Variants in FHIT observed in about 807,000 individuals in gnomAD.
FHIT encodes the protein fragile histidine triad diadenosine triphosphatase, also known as bis(5'-adenosyl)-triphosphatase.
FHIT carries 19 observed loss-of-function variants against 17.9 expected under a neutral mutation model. The observed-to-expected ratio is 1.06, with a 90% CI of 0.74 to 1.56. The LOEUF (loss-of-function observed/expected upper bound fraction) is 1.56. Ranked by LOEUF, FHIT falls within the 40% of genes most tolerant of loss-of-function variation. The pLI is 0.00. For missense variants in FHIT, 248 were observed against 189.2 expected, an observed-to-expected ratio of 1.31 and a Z score of -1.82; for synonymous variants, 81 against 69.7, an observed-to-expected ratio of 1.16 and a Z score of -0.81.
intron 5 of FHIT, among the ~76,000 whole-genome samples, chr3:60,263,666 G>T (rs908697420): frequency 7.9e-5 from 12 of 151,950 alleles, no homozygotes; most frequent in Non-Finnish European, 1.8e-4. Flanking sequence ...GAGGCCAGGG[G>T]TGGTAGAGAG....
intron 1 of FHIT, among the ~76,000 whole-genome samples, chr3:61,248,955 TG>T (rs1179822412): frequency 6.6e-6 from 1 of 152,256 alleles, no homozygotes; most frequent in Non-Finnish European, 1.5e-5. Flanking sequence ...CCTTCCAGTC[TG>T]AATGCATTAA....
At chr3:60,503,597 CTAAA>C (rs1289597022) in intron 5 of FHIT, among the ~76,000 whole-genome samples, 4 of 151,972 alleles carry the variant, frequency 2.6e-5, no homozygotes, top group East Asian at 1.9e-4. Flanking sequence ...ATGAAACAAA[CTAAA>C]TATTCAAAAC....
intron 3 of FHIT, among the ~76,000 whole-genome samples, chr3:60,938,670 C>T (rs1708290577): frequency 6.6e-6 from 1 of 152,136 alleles, no homozygotes; most frequent in Admixed American, 6.5e-5. Context: ...GATGGAGTCA[C>T]CAATGGGAAA....
intron 7 of FHIT, among the ~76,000 whole-genome samples, chr3:60,005,617 G>A (rs1366830218): frequency 6.6e-6 from 1 of 152,158 alleles, no homozygotes; most frequent in Non-Finnish European, 1.5e-5. Context: ...GATTCATTCT[G>A]AGGGCAGAGA....
At chr3:60,569,937 A>G (rs2107660436) in intron 4 of FHIT, among the ~76,000 whole-genome samples, 1 of 151,720 alleles carries the variant, frequency 6.6e-6, no homozygotes, top group African/African-American at 2.4e-5. Context: ...AATTCACCCA[A>G]ATGATACAAT....
At chr3:60,844,192 T>C (rs553394032) in intron 3 of FHIT, among the ~76,000 whole-genome samples, 1 of 152,268 alleles carries the variant, frequency 6.6e-6, no homozygotes, top group East Asian at 1.9e-4. Flanking sequence ...TTTGGACAAA[T>C]GTTAAATGAG....
At chr3:60,815,438 T>A (rs1553737353) in intron 4 of FHIT, among the ~76,000 whole-genome samples, 2 of 152,184 alleles carry the variant, frequency 1.3e-5, no homozygotes, top group African/African-American at 2.4e-5. Context: ...GGGGTCCAGT[T>A]TCATTCTTCT....
At chr3:60,949,468 A>G (rs1310926748) in intron 3 of FHIT, among the ~76,000 whole-genome samples, 3 of 152,204 alleles carry the variant, frequency 2.0e-5, no homozygotes. Flanking sequence ...GGGATTCTGA[A>G]AATGAACATA....
chr3:59,962,061 C>T (rs368334163), intron 7 of FHIT, among the ~76,000 whole-genome samples: 10 of 152,220 alleles, frequency 6.6e-5, no homozygotes, highest in South Asian at 2.1e-4. Context: ...CAATTCATTT[C>T]GATTAAAGAA....
At chr3:61,127,606 T>A (rs1279686021) in intron 2 of FHIT, among the ~76,000 whole-genome samples, 3 of 152,204 alleles carry the variant, frequency 2.0e-5, no homozygotes, top group African/African-American at 7.2e-5. Context: ...GGCTCACACC[T>A]GTAATCCCAG....
chr3:60,897,357 G>C (rs1325006806), intron 3 of FHIT, among the ~76,000 whole-genome samples: 1 of 152,090 alleles, frequency 6.6e-6, no homozygotes, highest in Non-Finnish European at 1.5e-5. Context: ...TCAACGTGTA[G>C]TAACTTTCTA....
rs962034636 is a variant in FHIT at position 60,097,707 on chromosome 3, T to C, written c.104-83555A>G. Among the ~76,000 whole-genome samples, 39 of 148,516 alleles carry C rather than the reference T, an allele frequency of 2.6e-4. 1 individual carries two copies. The highest frequency in any genetic ancestry group is 8.7e-4 in the African/African-American group (33 of 38,096). On this transcript the variant is annotated intron_variant, in intron 5 of 9. Coordinates refer to ENST00000492590, the MANE Select transcript of FHIT (RefSeq NM_002012.4). ...TAATTCTACCAATTAATTTTTTCTT[T>C]TTTTTAAAATTTTATTATTATTATA...
At chr3:60,712,028 G>C (rs2041548285) in intron 4 of FHIT, among the ~76,000 whole-genome samples, 1 of 152,174 alleles carries the variant, frequency 6.6e-6, no homozygotes, top group Admixed American at 6.5e-5. Context: ...AGACAGAAAG[G>C]TCGGGTTACC....
In FHIT at chr3:59,958,215, T is replaced by C. The variant is rs540405951; in HGVS notation, c.280-35801A>G. ...ACAAAATTGGCACATATCTTGATAGTTGCATCATCTTTTCTGTGGCAGTCC... is the reference window on the plus strand; with the variant it reads ...ACAAAATTGGCACATATCTTGATAGCTGCATCATCTTTTCTGTGGCAGTCC... On this transcript the variant is annotated intron_variant, in intron 7 of 9. Coordinates refer to ENST00000492590, the MANE Select transcript of FHIT (RefSeq NM_002012.4). Among the ~76,000 whole-genome samples the C allele has an allele frequency of 1.3e-5, 2 of 152,350 alleles. 1 individual carries two copies. The highest frequency in any genetic ancestry group is 6.8e-3 in the Middle Eastern group (2 of 294).
intron 5 of FHIT, among the ~76,000 whole-genome samples, chr3:60,155,592 G>T (rs1576216056): frequency 6.6e-6 from 1 of 152,294 alleles, no homozygotes; most frequent in South Asian, 2.1e-4. Flanking sequence ...AGCAGCCAGA[G>T]AGAGGGTCAG....
intron 7 of FHIT, among the ~76,000 whole-genome samples, chr3:59,928,561 C>G (rs972558376): frequency 6.6e-6 from 1 of 152,084 alleles, no homozygotes; most frequent in Non-Finnish European, 1.5e-5. Context: ...AGACAAAAAT[C>G]CTAAGTAAAA....
At chr3:59,889,219 A>C (rs637820) in intron 8 of FHIT, among the ~76,000 whole-genome samples, 3,732 of 152,318 alleles carry the variant, frequency 0.025, 58 homozygotes, top group Admixed American at 0.04. Flanking sequence ...TTGGGCACTG[A>C]CCAATAAAAA....
chr3:60,500,362 C>A (rs918342900), intron 5 of FHIT, among the ~76,000 whole-genome samples: 2 of 152,166 alleles, frequency 1.3e-5, no homozygotes, highest in African/African-American at 4.8e-5. Context: ...ACAGTCATTG[C>A]TTTTAAAGGA....
At chr3:60,616,524 G>A (rs1039115707) in intron 4 of FHIT, among the ~76,000 whole-genome samples, 1 of 152,086 alleles carries the variant, frequency 6.6e-6, no homozygotes, top group Non-Finnish European at 1.5e-5. Flanking sequence ...AAAGTCAATT[G>A]TCTTCTTATT....
Sources: allele counts gnomAD v4.1 joint callset (sites outside exome capture counted in the v4.1 genomes callset), GRCh38; gene constraint gnomAD v4.1.1; transcripts MANE v1.5; gene names NCBI Gene and HGNC (gene_info 2026-07-23, HGNC 2026-07-21).